The following TYW1B variants were observed in gnomAD, a reference collection of about 807,000 sequenced individuals.
The protein encoded by TYW1B is tRNA-yW synthesizing protein 1 homolog B, also known as S-adenosyl-L-methionine-dependent tRNA 4-demethylwyosine synthase TYW1B.
A neutral mutation model predicts 86.9 loss-of-function variants in TYW1B; 73 were observed. The ratio of observed to expected loss-of-function variants is 0.84; its 90% CI spans 0.70 to 1.02. The LOEUF is 1.02. Among genes scored for constraint, TYW1B ranks in the 50% least tolerant of loss-of-function variants. The probability of loss-of-function intolerance (pLI) is 0.00; values close to 1 mark genes in which losing one functional copy is unlikely to be tolerated. For missense variants in TYW1B, 637 were observed against 827.4 expected, an observed-to-expected ratio of 0.77 and a Z score of 2.82; for synonymous variants, 248 against 292.8, an observed-to-expected ratio of 0.85 and a Z score of 1.56.
Position 72,575,654 on chromosome 7 carries a change from T to C in TYW1B, c.1851A>G (p.Glu617=), listed in dbSNP as rs782145150. The C allele has an allele frequency of 6.2e-6, 10 of 1,613,592 alleles. No individual in the cohort carries two copies. The highest frequency in any genetic ancestry group is 1.3e-5 in the African/African-American group (1 of 74,866). The stretch of plus-strand genomic sequence containing the variant: ...TTTTTGATCCACCACTATCTTCATA[T>C]TCCTGGATGAGCTCCTGGAAGCGGT... ...DYNRFQELIQ[E]YEDSGGSKTF... The change falls in exon 14 of 14, where the codon GAA becomes GAG. Residue 617 remains glutamate, a synonymous_variant. Transcript: ENST00000620995.
intron 7 of TYW1B, among the ~76,000 whole-genome samples, chr7:72,774,868 C>G (rs1318080920): frequency 6.6e-6 from 1 of 152,088 alleles, no homozygotes; most frequent in African/African-American, 2.4e-5. Flanking sequence ...ATCCATTGAT[C>G]CAAGCTGATC....
In TYW1B at chr7:72,680,226, G is replaced by A. The variant is rs574181238; in HGVS notation, c.1506+14461C>T. ...GTGTTGCCAAAGGAGATTAACATTTGAGTCAGTGGACTGGGAAAGGCAGAT... is the reference window on the plus strand; with the variant it reads ...GTGTTGCCAAAGGAGATTAACATTTAAGTCAGTGGACTGGGAAAGGCAGAT... On this transcript the variant is annotated intron_variant, in intron 11 of 13. Transcript: ENST00000620995. Among the ~76,000 whole-genome samples the A allele has an allele frequency of 5.3e-5, 8 of 152,226 alleles. No individual in the cohort carries two copies. The East Asian group carries it at 7.7e-4, about 15-fold the overall frequency.
Position 72,828,057 on chromosome 7 carries a change from G to A in TYW1B, c.4+15C>T. On this transcript the variant is annotated intron_variant, in intron 1 of 13. Coordinates refer to ENST00000620995, the MANE Select transcript of TYW1B (RefSeq NM_001145440.3). ...CCCTGCCGCCCCAGGGTCCTTGCCC[G>A]CCGAGTGCCCTTACCCATCCTCCTC... 6.2e-7 allele frequency: 1 copy of A among 1,613,826 alleles called. No individual in the cohort carries two copies. Among genetic ancestry groups the A allele is most frequent in the Non-Finnish European group, 8.5e-7 (1 of 1,179,878 alleles).
intron 11 of TYW1B, among the ~76,000 whole-genome samples, chr7:72,633,579 C>T (rs1189942021): frequency 6.6e-6 from 1 of 152,216 alleles, no homozygotes; most frequent in Non-Finnish European, 1.5e-5. Flanking sequence ...AGTGAATATC[C>T]ACTCCCTTCA....
intron 13 of TYW1B, among the ~76,000 whole-genome samples, chr7:72,612,018 C>T (rs574813132): frequency 1.3e-5 from 2 of 152,172 alleles, no homozygotes; most frequent in Admixed American, 1.3e-4. Flanking sequence ...TCCATCCTCC[C>T]TCCCTCTCTT....
At chr7:72,618,899 A>T (rs146686299) in intron 12 of TYW1B, among the ~76,000 whole-genome samples, 1,899 of 152,052 alleles carry the variant, frequency 0.012, 42 homozygotes, top group African/African-American at 0.041. Flanking sequence ...TGTGAGATTT[A>T]AAAAAAATGG....
chr7:72,792,006 T>G (rs1788227432), intron 6 of TYW1B, among the ~76,000 whole-genome samples: 1 of 152,030 alleles, frequency 6.6e-6, no homozygotes. Context: ...TCTCAAACCT[T>G]GCAGTTTGTC....
Position 72,744,619 on chromosome 7 carries a change from A to T in TYW1B, c.965-18T>A, listed in dbSNP as rs540037939. On this transcript the variant is annotated intron_variant, in intron 7 of 13. Transcript: ENST00000620995. ...AGCATCGACTATGACAAGTAAACAA[A>T]TCACAATTTGAATAAAATCGTCAAA... The T allele has an allele frequency of 6.2e-7, 1 of 1,613,210 alleles. No individual in the cohort carries two copies. The highest frequency in any genetic ancestry group is 8.5e-7 in the Non-Finnish European group (1 of 1,179,178).
rs545422849 is a variant in TYW1B, at chr7:72,618,562, C to T, written c.1618-1723G>A. ...AACAAATGAGCAGAGTGACCCTGAC[C>T]CTGATGACAGAGCTGGGACTTGGAC... On this transcript the variant is annotated intron_variant, in intron 12 of 13. Coordinates refer to ENST00000620995, the MANE Select transcript of TYW1B (RefSeq NM_001145440.3). Among the ~76,000 whole-genome samples, 117 of 152,190 alleles carry T rather than the reference C, an allele frequency of 7.7e-4. 1 individual carries two copies. Among genetic ancestry groups the T allele is most frequent in the Non-Finnish European group, 1.4e-3 (95 of 68,018 alleles).
At chr7:72,758,074 G>A (rs1163103665) in intron 7 of TYW1B, among the ~76,000 whole-genome samples, 1 of 152,132 alleles carries the variant, frequency 6.6e-6, no homozygotes, top group Admixed American at 6.6e-5. Context: ...AAAAAAATTA[G>A]CCAGTCGTGG....
intron 2 of TYW1B, among the ~76,000 whole-genome samples, chr7:72,816,306 G>A (rs1554479415): frequency 6.6e-6 from 1 of 152,010 alleles, no homozygotes; most frequent in Non-Finnish European, 1.5e-5. Flanking sequence ...AATCCAGGAG[G>A]CAGAGGTTGC....
intron 6 of TYW1B, among the ~76,000 whole-genome samples, chr7:72,790,204 C>T (rs1788197220): frequency 6.6e-6 from 1 of 151,872 alleles, no homozygotes; most frequent in Non-Finnish European, 1.5e-5. Context: ...CCTCGGCCTC[C>T]CAAAATGCTG....
Position 72,828,167 on chromosome 7 carries a change from G to C in TYW1B, c.-92C>G, listed in dbSNP as rs1326622483. ...GCGAGACGCACCGAGCTACCTCGCG[G>C]CGTTAGCGCCGTACCGAGTGGCTGC... is the stretch of plus-strand genomic sequence containing the variant. On this transcript the variant is annotated 5_prime_UTR_variant, in exon 1 of 14. Transcript: ENST00000620995. 4.4e-6 allele frequency: 7 copies of C among 1,589,272 alleles called. No individual in the cohort carries two copies. In the African/African-American group the frequency reaches 8.1e-5, roughly 18 times the overall value.
At chr7:72,785,199 T>C (rs1788107016) in intron 6 of TYW1B, among the ~76,000 whole-genome samples, 1 of 151,862 alleles carries the variant, frequency 6.6e-6, no homozygotes, top group African/African-American at 2.4e-5. Flanking sequence ...GAGAGGGAGG[T>C]AGAATACCAA....
Position 72,574,809 on chromosome 7 carries a change from C to A in TYW1B, c.*689G>T. On this transcript the variant is annotated 3_prime_UTR_variant, in exon 14 of 14. Coordinates refer to ENST00000620995, the MANE Select transcript of TYW1B (RefSeq NM_001145440.3). ...GACTCCATGCCCTCACATGGCCACTCCTCTTACAGCAGACAGCTTCACTCC... is the reference window on the plus strand; with the variant it reads ...GACTCCATGCCCTCACATGGCCACTACTCTTACAGCAGACAGCTTCACTCC... 1.0e-6 allele frequency: 1 copy of A among 985,388 alleles called. No homozygotes were observed. Among genetic ancestry groups the A allele is most frequent in the Non-Finnish European group, 1.2e-6 (1 of 829,942 alleles). The allele number at this position is 985,388 out of a possible 1,614,324, so 61.0% of individuals were successfully genotyped here.
chr7:72,801,543 C>CA (rs1554475604), intron 6 of TYW1B, among the ~76,000 whole-genome samples: 2 of 143,076 alleles, frequency 1.4e-5, no homozygotes, highest in East Asian at 4.0e-4. Flanking sequence ...TTTCTAGTAG[C>CA]TTTTTTTTTT....
chr7:72,600,039 G>T (rs1391407135), intron 13 of TYW1B, among the ~76,000 whole-genome samples: 1 of 152,150 alleles, frequency 6.6e-6, no homozygotes, highest in Non-Finnish European at 1.5e-5. Flanking sequence ...GGTTTATATG[G>T]AAAGGGAAAG....
chr7:72,721,814 G>A (rs1554457604), intron 9 of TYW1B, among the ~76,000 whole-genome samples: 1 of 151,986 alleles, frequency 6.6e-6, no homozygotes, highest in African/African-American at 2.4e-5. Context: ...TTCTGATCTT[G>A]GATAATCACA....
At chr7:72,814,142 A>G (rs1433721900) in intron 3 of TYW1B, among the ~76,000 whole-genome samples, 4 of 152,094 alleles carry the variant, frequency 2.6e-5, no homozygotes, top group African/African-American at 9.7e-5. Flanking sequence ...CTACCAGCAT[A>G]GCACACTGCC....
Sources: allele counts gnomAD v4.1 joint callset (sites outside exome capture counted in the v4.1 genomes callset), GRCh38; gene constraint gnomAD v4.1.1; transcripts MANE v1.5; gene names NCBI Gene and HGNC (gene_info 2026-07-23, HGNC 2026-07-21).